The following MBTPS2 variants were observed in gnomAD, a reference collection of about 807,000 sequenced individuals.
The protein encoded by MBTPS2 is membrane-bound transcription factor site-2 protease.
In MBTPS2, 2 loss-of-function variants were observed where a neutral mutation model predicts 35.4. The observed-to-expected ratio is 0.06, with a 90% CI of 0.02 to 0.18. MBTPS2 has a LOEUF of 0.18. Among genes scored for constraint, MBTPS2 ranks in the 10% least tolerant of loss-of-function variants. The pLI is 1.00. For synonymous variants in MBTPS2, 125 were observed against 140.4 expected (o/e 0.89, Z 0.77); for missense variants, 244 against 386.5 (o/e 0.63, Z 3.09).
At position 21,856,468 on chromosome X, in the gene MBTPS2, C is replaced by G. The variant is rs370374171; in HGVS notation, c.670+2965C>G. The G allele has an allele frequency of 5.0e-6, 6 of 1,193,231 alleles. No homozygotes were observed. In the African/African-American group the frequency reaches 7.1e-5, roughly 14 times the overall value. On this transcript the variant is annotated intron_variant, in intron 5 of 10. Coordinates refer to ENST00000379484, the MANE Select transcript of MBTPS2 (RefSeq NM_015884.4). ...CCACGGTCTTCCCGTTGCCGCTAAC[C>G]TAACTAACTCTCAGCCATGGCCTCC...
intron 5 of MBTPS2, among the ~76,000 whole-genome samples, chrX:21,862,943 T>TATATATATATAAAC (rs2092934374): frequency 2.3e-5 from 1 of 44,193 alleles, no homozygotes; most frequent in African/African-American, 1.1e-4. Context: ...CATATATATA[T>TATATATATATAAAC]ATATATATAT....
intron 5 of MBTPS2, among the ~76,000 whole-genome samples, chrX:21,861,760 T>C (rs985630017): frequency 4.5e-5 from 5 of 111,236 alleles, no homozygotes; most frequent in African/African-American, 1.6e-4. Flanking sequence ...TTTGATACCA[T>C]TGGTATTTTT....
At chrX:21,874,299 A>G (rs1296002894) in intron 7 of MBTPS2, among the ~76,000 whole-genome samples, 1 of 108,529 alleles carries the variant, frequency 9.2e-6, no homozygotes. Context: ...TGCTGGGATT[A>G]CAGGGGTGAG....
intron 5 of MBTPS2, among the ~76,000 whole-genome samples, chrX:21,855,807 C>T (rs371202450): frequency 1.0e-4 from 11 of 105,173 alleles, no homozygotes; most frequent in East Asian, 9.3e-4. Context: ...CGAGATCGCG[C>T]GCCACTGCAC....
intron 5 of MBTPS2, chrX:21,858,165 G>A (rs1430711812): frequency 8.0e-6 from 1 of 124,674 alleles, no homozygotes; most frequent in Non-Finnish European, 1.9e-5. Flanking sequence ...TTTTAATCTT[G>A]GTTGTAGTCT....
rs1392854973 is a variant in MBTPS2, at chrX:21,843,124, T to C, written c.76-46T>C. The C allele has an allele frequency of 2.8e-6, 3 of 1,052,913 alleles. No individual in the cohort carries two copies. In the East Asian group the frequency reaches 9.1e-5, roughly 32 times the overall value. 86.8% of individuals were successfully genotyped at this position (1,052,913 alleles called of 1,213,427 possible). On this transcript the variant is annotated intron_variant, in intron 1 of 10. Coordinates refer to ENST00000379484, the MANE Select transcript of MBTPS2 (RefSeq NM_015884.4). ...GTGTTATTTTCTTACACATTATAAA[T>C]TGTTCTTCAAAATTGAGTGATGTAG...
At chrX:21,876,468 A>C (rs1178715280) in intron 7 of MBTPS2, among the ~76,000 whole-genome samples, 1 of 110,051 alleles carries the variant, frequency 9.1e-6, no homozygotes, top group African/African-American at 3.3e-5. Context: ...CAGAAGGCTG[A>C]GGCGGGAGAA....
At chrX:21,856,259 G>A (rs1479531731) in intron 5 of MBTPS2, 2 of 413,395 alleles carry the variant, frequency 4.8e-6, no homozygotes, top group Non-Finnish European at 8.2e-6. Flanking sequence ...TGCGCCTTCC[G>A]GCTCGTGCTT....
chrX:21,865,482 C>T (rs5951648), intron 5 of MBTPS2, among the ~76,000 whole-genome samples: 50,112 of 110,743 alleles, frequency 0.45, 8,360 homozygotes, highest in East Asian at 0.59. Flanking sequence ...TTTGACCATT[C>T]TGTTTCTATA....
At chrX:21,869,415 A>C (rs758152857) in intron 6 of MBTPS2, 83 bp from the exon 7 acceptor site, 3 of 703,599 alleles carry the variant, frequency 4.3e-6, no homozygotes, top group Non-Finnish European at 6.9e-6. Context: ...TCACTTAATT[A>C]ACTCAGTGTC....
chrX:21,858,827 T>C (rs1229515963), intron 5 of MBTPS2: 1 of 98,529 alleles, frequency 1.0e-5, no homozygotes, highest in African/African-American at 3.8e-5. Flanking sequence ...AAGTCGAGGC[T>C]GCGGTGAGCC....
rs983061094 is a variant in MBTPS2 at position 21,883,146 on chromosome X, G to A, written c.*491G>A. On this transcript the variant is annotated 3_prime_UTR_variant, in exon 11 of 11. Transcript: ENST00000379484. ...GAAAAGTATTTTAAAACTTAATGGT[G>A]TATTATTTTGTGCTCTGAAAGCTGA... is the stretch of plus-strand genomic sequence containing the variant. 1.3e-6 allele frequency: 1 copy of A among 759,964 alleles called. No homozygotes were observed. The highest frequency in any genetic ancestry group is 7.5e-4 in the Middle Eastern group (1 of 1,326). 62.6% of individuals were successfully genotyped at this position (759,964 alleles called of 1,213,427 possible).
chrX:21,857,747 G>C, intron 5 of MBTPS2: 2 of 683,383 alleles, frequency 2.9e-6, no homozygotes, highest in East Asian at 3.4e-5. Context: ...TGTTTTGTTA[G>C]AGTAGTAAAA....
At chrX:21,857,135 G>A in intron 5 of MBTPS2, 2 of 1,211,937 alleles carry the variant, frequency 1.7e-6, no homozygotes, top group Non-Finnish European at 2.2e-6. Context: ...TGAAAGGGAA[G>A]AAACTTCCTC....
intron 5 of MBTPS2, among the ~76,000 whole-genome samples, chrX:21,861,371 T>C (rs1419156398): frequency 8.9e-6 from 1 of 111,894 alleles, no homozygotes; most frequent in Non-Finnish European, 1.9e-5. Context: ...ACGCCTAACA[T>C]TATAAGCAAA....
rs775167417 is a variant in MBTPS2, at chrX:21,884,505, C to T, written c.*1850C>T. ...TAATTTATTTTTCTGAGTAAAAAAA[C>T]GAAACCCAAATCTCATTTTATTTCA... is the stretch of plus-strand genomic sequence containing the variant. On this transcript the variant is annotated 3_prime_UTR_variant, in exon 11 of 11. Transcript: ENST00000379484. The T allele has an allele frequency of 1.1e-4, 85 of 750,534 alleles. No individual in the cohort carries two copies. The highest frequency in any genetic ancestry group is 1.5e-4 in the East Asian group (1 of 6,633). The allele number at this position is 750,534 out of a possible 1,213,427, so 61.9% of individuals were successfully genotyped here.
intron 5 of MBTPS2, among the ~76,000 whole-genome samples, chrX:21,865,195 T>A (rs2092938153): frequency 9.3e-6 from 1 of 107,773 alleles, no homozygotes; most frequent in Non-Finnish European, 1.9e-5. Flanking sequence ...GGGCTATTTC[T>A]TTAAAAAAAA....
intron 5 of MBTPS2, among the ~76,000 whole-genome samples, chrX:21,855,124 G>A (rs1056773457): frequency 5.4e-5 from 6 of 110,679 alleles, no homozygotes; most frequent in African/African-American, 2.0e-4. Context: ...AAGGATATAG[G>A]CAGAAAATAA....
chrX:21,860,698 G>A (rs770739811), intron 5 of MBTPS2, among the ~76,000 whole-genome samples: 2 of 111,688 alleles, frequency 1.8e-5, no homozygotes, highest in East Asian at 2.8e-4. Context: ...TGAGTGTCCC[G>A]GCTTTTACTC....
Sources: allele counts gnomAD v4.1 joint callset (sites outside exome capture counted in the v4.1 genomes callset), GRCh38; gene constraint gnomAD v4.1.1; transcripts MANE v1.5; gene names NCBI Gene and HGNC (gene_info 2026-07-23, HGNC 2026-07-21).